Variants in CNIH3 observed in about 807,000 individuals in gnomAD.
CNIH3 encodes the protein protein cornichon homolog 3.
A neutral mutation model predicts 24.1 loss-of-function variants in CNIH3; 14 were observed. That is an observed-to-expected ratio of 0.58 (90% CI 0.38 to 0.91). CNIH3 has a LOEUF of 0.91. Ranked by LOEUF, CNIH3 falls within the 40% of genes least tolerant of loss-of-function variation. The pLI is 0.00. For synonymous variants in CNIH3, 68 were observed against 73.8 expected (o/e 0.92, Z 0.40); for missense variants, 178 against 196.8 (o/e 0.90, Z 0.57).
intron 3 of CNIH3, among the ~76,000 whole-genome samples, chr1:224,553,909 A>G (rs1416383309): frequency 1.3e-5 from 2 of 151,680 alleles, no homozygotes; most frequent in Non-Finnish European, 2.9e-5. Flanking sequence ...GCGAATTTGC[A>G]CTCAAATACT....
At chr1:224,725,829 C>G (rs1688993812) in intron 3 of CNIH3, among the ~76,000 whole-genome samples, 1 of 152,198 alleles carries the variant, frequency 6.6e-6, no homozygotes, top group African/African-American at 2.4e-5. Flanking sequence ...CATCCCCTTC[C>G]TACTTCTTTT....
chr1:224,582,420 C>T (rs1021560922), intron 4 of CNIH3, among the ~76,000 whole-genome samples: 7 of 151,594 alleles, frequency 4.6e-5, no homozygotes, highest in African/African-American at 1.2e-4. Flanking sequence ...GAACAGAGCA[C>T]GGTTTTTTTT....
chr1:224,701,191 C>T (rs1170051108), intron 3 of CNIH3, among the ~76,000 whole-genome samples: 3 of 147,100 alleles, frequency 2.0e-5, no homozygotes, highest in Non-Finnish European at 3.0e-5. Flanking sequence ...AAGGGGGGCT[C>T]GGGTTCTTTT....
At chr1:224,536,405 C>T (rs1284249911) in intron 2 of CNIH3, among the ~76,000 whole-genome samples, 1 of 150,566 alleles carries the variant, frequency 6.6e-6, no homozygotes. Flanking sequence ...GATTCTCCTG[C>T]CTCAGCCTCC....
intron 1 of CNIH3, among the ~76,000 whole-genome samples, chr1:224,469,507 A>C (rs1046678255): frequency 6.6e-6 from 1 of 152,024 alleles, no homozygotes; most frequent in Admixed American, 6.6e-5. Flanking sequence ...AGAATTTTTT[A>C]TTATTTATTT....
chr1:224,660,511 A>T (rs1003504990), intron 1 of CNIH3, among the ~76,000 whole-genome samples: 2 of 145,258 alleles, frequency 1.4e-5, no homozygotes, highest in Non-Finnish European at 3.0e-5. Context: ...TTTATATACA[A>T]TTTTTTTTTT....
intron 1 of CNIH3, among the ~76,000 whole-genome samples, chr1:224,618,011 C>T (rs901892150): frequency 6.6e-6 from 1 of 152,214 alleles, no homozygotes; most frequent in Admixed American, 6.5e-5. Context: ...ACACAAGCTT[C>T]CTGTCACCCT....
intron 3 of CNIH3, among the ~76,000 whole-genome samples, chr1:224,607,684 G>A (rs1394389363): frequency 2.0e-5 from 3 of 152,170 alleles, no homozygotes; most frequent in African/African-American, 4.8e-5. Context: ...AATTTGCATT[G>A]TCAGGGTGAA....
At chr1:224,558,021 G>C (rs995131767) in intron 3 of CNIH3, among the ~76,000 whole-genome samples, 5 of 152,208 alleles carry the variant, frequency 3.3e-5, no homozygotes. Context: ...ACCCAATTTA[G>C]TGACTTCAAA....
At chr1:224,481,231 G>C (rs1572334635) in intron 1 of CNIH3, among the ~76,000 whole-genome samples, 1 of 152,340 alleles carries the variant, frequency 6.6e-6, no homozygotes, top group Admixed American at 6.5e-5. Flanking sequence ...CTATGATTCA[G>C]TTACCTTCCA....
chr1:224,532,901 T>C (rs1679129535), intron 2 of CNIH3, among the ~76,000 whole-genome samples: 1 of 152,200 alleles, frequency 6.6e-6, no homozygotes, highest in Non-Finnish European at 1.5e-5. Flanking sequence ...ATTATTCCTA[T>C]TGTACAGATG....
chr1:224,507,947 AC>A lies in CNIH3; in HGVS notation n.204-7793del, dbSNP rs540326199. On this transcript the variant is annotated intron_variant and non_coding_transcript_variant, in intron 1 of 5. Coordinates refer to the CNIH3 transcript ENST00000471578. ...GGCAAGGGGTTAAGCATTTCTGCAT[AC>A]GCTAGACAACTCCTCATTGTTTTAT... 9.2e-5 allele frequency among the ~76,000 whole-genome samples: 14 copies of A among 152,374 alleles called. No homozygotes were observed. The South Asian group carries it at 2.7e-3, about 29-fold the overall frequency.
chr1:224,739,187 G>T, intron 5 of CNIH3, 142 bp from the exon 6 acceptor site: 1 of 1,431,104 alleles, frequency 7.0e-7, no homozygotes, highest in Non-Finnish European at 9.3e-7. Flanking sequence ...TTGGCGAGAT[G>T]CTGTAGTGAC....
At chr1:224,440,495 G>A (rs1191684304) in intron 1 of CNIH3, among the ~76,000 whole-genome samples, 1 of 152,170 alleles carries the variant, frequency 6.6e-6, no homozygotes, top group African/African-American at 2.4e-5. Context: ...AAAGTTCTGG[G>A]ATTACAGACA....
chr1:224,658,212 C>T (rs899745447), intron 1 of CNIH3, among the ~76,000 whole-genome samples: 9 of 152,214 alleles, frequency 5.9e-5, no homozygotes, highest in Admixed American at 5.2e-4. Flanking sequence ...GTTGCCCAGG[C>T]TGGTGTGCAG....
chr1:224,702,223 C>G (rs968689432), intron 3 of CNIH3, among the ~76,000 whole-genome samples: 9 of 152,152 alleles, frequency 5.9e-5, no homozygotes, highest in African/African-American at 2.2e-4. Flanking sequence ...AATAATTACA[C>G]AAGCTTTCAT....
At chr1:224,549,538 C>A (rs527270079) in intron 3 of CNIH3, among the ~76,000 whole-genome samples, 3 of 152,046 alleles carry the variant, frequency 2.0e-5, no homozygotes, top group African/African-American at 4.8e-5. Flanking sequence ...TATGCACACA[C>A]TAAATGTTAC....
At chr1:224,480,618 C>T (rs1676768007) in intron 1 of CNIH3, among the ~76,000 whole-genome samples, 1 of 152,184 alleles carries the variant, frequency 6.6e-6, no homozygotes, top group African/African-American at 2.4e-5. Context: ...CCTAAATCAT[C>T]TCTCTCAAAT....
chr1:224,511,546 T>G (rs1405882692), upstream of CNIH3, among the ~76,000 whole-genome samples: 2 of 152,190 alleles, frequency 1.3e-5, no homozygotes, highest in Non-Finnish European at 2.9e-5. Context: ...CTTTCCTTCT[T>G]TCTTCCTAAA....
Sources: gnomAD v4.1 joint callset for allele counts (sites outside exome capture counted in the v4.1 genomes callset) on GRCh38, gnomAD v4.1.1 for gene constraint, MANE v1.5 for transcripts, NCBI Gene and HGNC (gene_info 2026-07-23, HGNC 2026-07-21) for gene names.